Variants in GPC6 observed in about 807,000 individuals in gnomAD.
GPC6 encodes glypican 6.
A neutral mutation model predicts 55.2 loss-of-function variants in GPC6; 14 were observed. That is an observed-to-expected ratio of 0.25 (90% CI 0.17 to 0.40). GPC6 has a LOEUF of 0.40. GPC6 is among the 10% of genes least tolerant of loss of function. GPC6 has a pLI of 1.00. For missense variants in GPC6, 641 were observed against 708.5 expected, an observed-to-expected ratio of 0.90 and a Z score of 1.08; for synonymous variants, 278 against 259.6, an observed-to-expected ratio of 1.07 and a Z score of -0.68.
At chr13:93,977,032 T>A (rs1362404457) in intron 3 of GPC6, among the ~76,000 whole-genome samples, 1 of 152,116 alleles carries the variant, frequency 6.6e-6, no homozygotes, top group Non-Finnish European at 1.5e-5. Context: ...TGATGACGGC[T>A]CCTAGCCTGC....
At chr13:93,801,188 ATTG>A (rs1434464160) in intron 2 of GPC6, among the ~76,000 whole-genome samples, 1 of 152,146 alleles carries the variant, frequency 6.6e-6, no homozygotes, top group Non-Finnish European at 1.5e-5. Flanking sequence ...GCAGGCAGAT[ATTG>A]TTGTTCTATA....
chr13:94,002,379 T>C (rs922311237), intron 3 of GPC6, among the ~76,000 whole-genome samples: 1 of 152,194 alleles, frequency 6.6e-6, no homozygotes, highest in South Asian at 2.1e-4. Context: ...AAAGAATATT[T>C]AGCTATTTTT....
chr13:93,281,322 G>A (rs140293312), intron 1 of GPC6, among the ~76,000 whole-genome samples: 7 of 152,266 alleles, frequency 4.6e-5, no homozygotes, highest in African/African-American at 1.7e-4. Context: ...GGCAGATGCG[G>A]TGTCTAGTGA....
At chr13:93,395,456 A>C (rs1875810733) in intron 1 of GPC6, 1 of 229,024 alleles carries the variant, frequency 4.4e-6, no homozygotes, top group Non-Finnish European at 8.7e-6. Context: ...TTGGTCAATC[A>C]TTATTTCAAT....
chr13:93,257,051 T>A (rs1406383193), intron 1 of GPC6, among the ~76,000 whole-genome samples: 1 of 152,098 alleles, frequency 6.6e-6, no homozygotes, highest in Non-Finnish European at 1.5e-5. Flanking sequence ...AGGCCTCTAG[T>A]CCAGGTGATC....
At chr13:93,889,403 T>C (rs1875532639) in intron 3 of GPC6, among the ~76,000 whole-genome samples, 1 of 152,138 alleles carries the variant, frequency 6.6e-6, no homozygotes, top group South Asian at 2.1e-4. Flanking sequence ...CTGAATGTGG[T>C]TGGAAACACG....
At chr13:93,979,355 AT>A (rs535318611) in intron 3 of GPC6, among the ~76,000 whole-genome samples, 5,301 of 116,008 alleles carry the variant, frequency 0.046, 126 homozygotes, top group African/African-American at 0.08. Flanking sequence ...GTTTTTTTTA[AT>A]TTTTTTTTTA....
intron 1 of GPC6, among the ~76,000 whole-genome samples, chr13:93,234,159 T>A (rs1876153175): frequency 6.6e-6 from 1 of 152,188 alleles, no homozygotes; most frequent in South Asian, 2.1e-4. Context: ...ACCCTGTTGC[T>A]GATGACATTG....
chr13:93,480,212 A>G (rs981046174), intron 1 of GPC6, among the ~76,000 whole-genome samples: 1 of 152,190 alleles, frequency 6.6e-6, no homozygotes, highest in Non-Finnish European at 1.5e-5. Flanking sequence ...ATACACATTG[A>G]TTTAGGGGAA....
intron 2 of GPC6, among the ~76,000 whole-genome samples, chr13:93,570,460 C>T (rs1466904087): frequency 2.6e-5 from 4 of 152,030 alleles, no homozygotes; most frequent in Non-Finnish European, 4.4e-5. Flanking sequence ...GTTATTTTAT[C>T]GACTTACAAA....
chr13:93,382,262 C>T (rs944326175), intron 1 of GPC6, among the ~76,000 whole-genome samples: 2 of 152,084 alleles, frequency 1.3e-5, no homozygotes, highest in African/African-American at 4.8e-5. Flanking sequence ...ATCTTGAATC[C>T]TAGAAATGAT....
chr13:93,269,995 G>A (rs1230285404), intron 1 of GPC6, among the ~76,000 whole-genome samples: 1 of 151,678 alleles, frequency 6.6e-6, no homozygotes, highest in Non-Finnish European at 1.5e-5. Context: ...GGGCATGGTG[G>A]TTCTTGCCTG....
chr13:94,175,495 T>A (rs747018332), intron 4 of GPC6, among the ~76,000 whole-genome samples: 1 of 152,134 alleles, frequency 6.6e-6, no homozygotes, highest in Non-Finnish European at 1.5e-5. Context: ...AGTCATTTGC[T>A]AAAAAGACTG....
intron 1 of GPC6, among the ~76,000 whole-genome samples, chr13:93,402,458 C>G (rs1270383764): frequency 6.6e-6 from 1 of 152,132 alleles, no homozygotes; most frequent in African/African-American, 2.4e-5. Context: ...AAGATGCTCT[C>G]TGGGGTCCCT....
rs2138939760 is a variant in GPC6, at chr13:93,802,631, C to T, written c.320-27523C>T. Among the ~76,000 whole-genome samples, 2 of 152,174 alleles carry T rather than the reference C, an allele frequency of 1.3e-5. 1 individual carries two copies. Among genetic ancestry groups the T allele is most frequent in the South Asian group, 4.1e-4 (2 of 4,822 alleles). ...CATTGCCCAAGTTGGTCTTGAACTCCTGGGCTCAAGTGATCTTCCTGCCTC... is the reference window on the plus strand; with the variant it reads ...CATTGCCCAAGTTGGTCTTGAACTCTTGGGCTCAAGTGATCTTCCTGCCTC... On this transcript the variant is annotated intron_variant, in intron 2 of 8. Transcript: ENST00000377047.
intron 4 of GPC6, among the ~76,000 whole-genome samples, chr13:94,235,063 A>G (rs941908164): frequency 2.6e-5 from 4 of 152,186 alleles, no homozygotes; most frequent in Non-Finnish European, 2.9e-5. Flanking sequence ...GCTGTACTGT[A>G]TGCTTAAAAT....
At chr13:94,292,070 T>G (rs1457762476) in intron 5 of GPC6, among the ~76,000 whole-genome samples, 1 of 152,218 alleles carries the variant, frequency 6.6e-6, no homozygotes, top group Non-Finnish European at 1.5e-5. Context: ...GGGACAATAC[T>G]AAGTGTTTTA....
intron 6 of GPC6, among the ~76,000 whole-genome samples, chr13:94,373,118 A>G (rs1384883057): frequency 6.6e-6 from 1 of 152,230 alleles, no homozygotes; most frequent in East Asian, 1.9e-4. Context: ...TGGAGAAAAA[A>G]CAGAACAGAA....
chr13:93,786,922 A>G (rs982815776), intron 2 of GPC6, among the ~76,000 whole-genome samples: 1 of 152,208 alleles, frequency 6.6e-6, no homozygotes, highest in Admixed American at 6.5e-5. Flanking sequence ...AGATTTTTAC[A>G]TGGCCTTGAG....
Sources: allele counts gnomAD v4.1 joint callset (sites outside exome capture counted in the v4.1 genomes callset), GRCh38; gene constraint gnomAD v4.1.1; transcripts MANE v1.5; gene names NCBI Gene and HGNC (gene_info 2026-07-23, HGNC 2026-07-21).